PGCKA1: variants seen among roughly 807,000 people sequenced by gnomAD.
PGCKA1 encodes the protein PDCD10 and GCKIII kinases-associated protein 1.
chr4:37,519,965 CATT>C, the PGCKA1 span, among the ~76,000 whole-genome samples: 1 of 152,248 alleles, frequency 6.6e-6, no homozygotes, highest in Middle Eastern at 3.4e-3. Flanking sequence ...GGATTTTCAT[CATT>C]AAGTGATGTT....
the PGCKA1 span, among the ~76,000 whole-genome samples, chr4:37,563,167 TA>T: frequency 8.5e-6 from 1 of 117,356 alleles, no homozygotes; most frequent in African/African-American, 2.7e-5. Context: ...GGATAACTTC[TA>T]AGATTCTTTC....
At chr4:37,477,524 T>C in the PGCKA1 span, among the ~76,000 whole-genome samples, 2 of 152,308 alleles carry the variant, frequency 1.3e-5, no homozygotes, top group East Asian at 3.9e-4. Flanking sequence ...AAATACTTTA[T>C]TTAAATGGGT....
the PGCKA1 span, among the ~76,000 whole-genome samples, chr4:37,546,600 C>T: frequency 6.6e-6 from 1 of 152,200 alleles, no homozygotes; most frequent in Non-Finnish European, 1.5e-5. Flanking sequence ...CTGATGCTCC[C>T]AGCTGAATAA....
At chr4:37,567,496 G>T in the PGCKA1 span, among the ~76,000 whole-genome samples, 2 of 152,164 alleles carry the variant, frequency 1.3e-5, no homozygotes, top group African/African-American at 4.8e-5. Flanking sequence ...GAAGAAACTT[G>T]GCTAGAAGTC....
chr4:37,458,764 T>C, the PGCKA1 span, among the ~76,000 whole-genome samples: 1 of 152,076 alleles, frequency 6.6e-6, no homozygotes, highest in African/African-American at 2.4e-5. Flanking sequence ...GGTGGAGAAA[T>C]AGACCCCACT....
At chr4:37,543,133 T>C in the PGCKA1 span, among the ~76,000 whole-genome samples, 1 of 152,206 alleles carries the variant, frequency 6.6e-6, no homozygotes, top group Non-Finnish European at 1.5e-5. Context: ...GAAATCGCTC[T>C]TTTAAGTGAT....
At chr4:37,499,918 C>CTTTTTTT in the PGCKA1 span, among the ~76,000 whole-genome samples, 70 of 79,252 alleles carry the variant, frequency 8.8e-4, 4 homozygotes, top group African/African-American at 1.6e-3. Context: ...GTCTTCCTAA[C>CTTTTTTT]TTTTTTTTTT....
the PGCKA1 span, among the ~76,000 whole-genome samples, chr4:37,541,587 C>T: frequency 2.0e-5 from 3 of 152,326 alleles, no homozygotes; most frequent in South Asian, 4.1e-4. Context: ...GCCACATGGC[C>T]GCTGCCATTT....
At chr4:37,541,276 C>T in the PGCKA1 span, among the ~76,000 whole-genome samples, 4 of 152,184 alleles carry the variant, frequency 2.6e-5, no homozygotes, top group Admixed American at 6.5e-5. Flanking sequence ...GCTTTAACTC[C>T]CCACCCCCAA....
the PGCKA1 span, among the ~76,000 whole-genome samples, chr4:37,483,267 T>C: frequency 6.6e-6 from 1 of 152,198 alleles, no homozygotes; most frequent in African/African-American, 2.4e-5. Context: ...CAGGCTGAAC[T>C]GTGAGTCAAT....
chr4:37,580,905 A>C, the PGCKA1 span, among the ~76,000 whole-genome samples: 213 of 152,258 alleles, frequency 1.4e-3, 1 homozygote, highest in African/African-American at 5.0e-3. Context: ...TTAGAGATCT[A>C]CCTGGTGCTC....
At chr4:37,466,045 T>C in the PGCKA1 span, among the ~76,000 whole-genome samples, 1 of 152,108 alleles carries the variant, frequency 6.6e-6, no homozygotes. Flanking sequence ...AATCACATTG[T>C]TGATGCAAGA....
chr4:37,473,273 CT>C, the PGCKA1 span, among the ~76,000 whole-genome samples: 1 of 151,984 alleles, frequency 6.6e-6, no homozygotes, highest in Non-Finnish European at 1.5e-5. Context: ...AATATTTATA[CT>C]TTTAGATAAG....
the PGCKA1 span, among the ~76,000 whole-genome samples, chr4:37,524,549 G>C: frequency 6.6e-6 from 1 of 152,308 alleles, no homozygotes; most frequent in Non-Finnish European, 1.5e-5. Context: ...CCTGCCTTGA[G>C]AATATCACTC....
the PGCKA1 span, among the ~76,000 whole-genome samples, chr4:37,565,379 G>A: frequency 2.0e-5 from 3 of 152,164 alleles, no homozygotes; most frequent in Admixed American, 6.5e-5. Flanking sequence ...TAGAAGGGGG[G>A]GCTCTGAGAT....
chr4:37,535,822 T>A, the PGCKA1 span, among the ~76,000 whole-genome samples: 1 of 152,314 alleles, frequency 6.6e-6, no homozygotes, highest in East Asian at 1.9e-4. Context: ...GGACTGGAGC[T>A]GTGTTTCCTG....
chr4:37,547,949 G>A, the PGCKA1 span, among the ~76,000 whole-genome samples: 3 of 137,592 alleles, frequency 2.2e-5, no homozygotes, highest in Non-Finnish European at 3.0e-5. Flanking sequence ...ACACAGTCTA[G>A]TCCAAAGACA....
the PGCKA1 span, among the ~76,000 whole-genome samples, chr4:37,568,725 C>T: frequency 1.3e-5 from 2 of 152,168 alleles, no homozygotes; most frequent in Non-Finnish European, 2.9e-5. Context: ...CTGAAGCATG[C>T]CTTCAGCATA....
At chr4:37,471,614 T>A in the PGCKA1 span, among the ~76,000 whole-genome samples, 1 of 151,936 alleles carries the variant, frequency 6.6e-6, no homozygotes, top group Non-Finnish European at 1.5e-5. Context: ...AATCCTTAAA[T>A]AAAAATAGAA....
Sources: gnomAD v4.1 joint callset for allele counts (sites outside exome capture counted in the v4.1 genomes callset) on GRCh38, gnomAD v4.1.1 for gene constraint, MANE v1.5 for transcripts, NCBI Gene and HGNC (gene_info 2026-07-23, HGNC 2026-07-21) for gene names.